Variants in HPS4 observed in about 807,000 individuals in gnomAD.
The protein encoded by HPS4 is BLOC-3 complex member HPS4.
Under a neutral mutation model 70.3 loss-of-function variants are expected in HPS4, and 44 were observed. That is an observed-to-expected ratio of 0.63 (90% confidence interval 0.49 to 0.80). HPS4 has a LOEUF of 0.80. HPS4 is among the 30% of genes least tolerant of loss of function. The pLI, the probability that HPS4 is intolerant of heterozygous loss-of-function variation, is 0.00. For missense variants in HPS4, 873 were observed against 884.4 expected (o/e 0.99, Z 0.16); for synonymous variants, 377 against 355.9 (o/e 1.06, Z -0.67).
intron 12 of HPS4, 24 bp from the exon 13 acceptor site, chr22:26,457,991 G>A (rs377423056): frequency 2.0e-5 from 32 of 1,572,210 alleles, no homozygotes; most frequent in Non-Finnish European, 2.6e-5. Context: ...ACACAGAGTT[G>A]TGAAGAGCAG....
chr22:26,481,154 A>G (rs1303421581), intron 2 of HPS4, among the ~76,000 whole-genome samples: 1 of 151,250 alleles, frequency 6.6e-6, no homozygotes, highest in Non-Finnish European at 1.5e-5. Context: ...CTTGGGTGTC[A>G]TTTTGAACTG....
At position 26,458,484 on chromosome 22, in the gene HPS4, T is replaced by A. The variant is rs1246855032; in HGVS notation, c.1807A>T (p.Asn603Tyr). The A allele has an allele frequency of 6.2e-7, 1 of 1,614,096 alleles. No individual in the cohort carries two copies. Among genetic ancestry groups the A allele is most frequent in the South Asian group, 1.1e-5 (1 of 91,074 alleles). Residue 603 changes from asparagine (N) to tyrosine (Y), a missense_variant, in exon 12 of 14, where the codon AAC becomes TAC. Transcript: ENST00000398145. ...TGAATGCGGTCGTAATGTGTGAAGT[T>A]GTAGGTGCTGCTCGTGGAGGCTGCC... ...DEAASTSSTY[N>Y]FTHYDRIQSL...
At chr22:26,459,745 G>T (rs1272787735) in intron 11 of HPS4, among the ~76,000 whole-genome samples, 1 of 152,214 alleles carries the variant, frequency 6.6e-6, no homozygotes, top group Non-Finnish European at 1.5e-5. Context: ...TGCAAAATGG[G>T]AACAGTACGG....
chr22:26,455,232 G>A (rs1368275604), intron 13 of HPS4, among the ~76,000 whole-genome samples: 2 of 152,092 alleles, frequency 1.3e-5, no homozygotes, highest in Admixed American at 6.6e-5. Flanking sequence ...CCATTACTGG[G>A]TATATACCCA....
rs113467618 is a variant in HPS4 at position 26,472,577 on chromosome 22, C to T, written c.385-159G>A. 0.014 allele frequency among the ~76,000 whole-genome samples: 2,190 copies of T among 152,290 alleles called. 53 individuals are homozygous for T. The highest frequency in any genetic ancestry group is 0.05 in the African/African-American group (2,062 of 41,546). Reference sequence around the variant, plus strand: ...CCCATCACAGATCCACGGCGCCTGCCGCGTGGGGGTGGCAAGCAGGGCCTG... The same window carrying T: ...CCCATCACAGATCCACGGCGCCTGCTGCGTGGGGGTGGCAAGCAGGGCCTG... On this transcript the variant is annotated intron_variant, in intron 5 of 13. Coordinates refer to ENST00000398145, the MANE Select transcript of HPS4 (RefSeq NM_022081.6).
intron 4 of HPS4, chr22:26,476,792 G>T: frequency 1.7e-6 from 1 of 600,342 alleles, no homozygotes; most frequent in Non-Finnish European, 3.0e-6. Context: ...GTGCAATGCA[G>T]AATATGTTAG....
chr22:26,476,589 ATTCT>A (rs1216297902), intron 4 of HPS4: 3 of 199,504 alleles, frequency 1.5e-5, no homozygotes, highest in African/African-American at 7.2e-5. Flanking sequence ...CTCAAGCAAT[ATTCT>A]TTTTTTTTTT....
intron 9 of HPS4, 98 bp downstream of exon 9, chr22:26,466,128 C>T: frequency 6.2e-7 from 1 of 1,612,380 alleles, no homozygotes; most frequent in Non-Finnish European, 8.5e-7. Flanking sequence ...AGGAAATAAA[C>T]ATGCAGATGG....
In HPS4 at chr22:26,470,782, C is replaced by A. The variant is rs377042228; in HGVS notation, c.533G>T (p.Arg178Leu). The A allele has an allele frequency of 6.2e-7, 1 of 1,614,168 alleles. No individual in the cohort carries two copies. Among genetic ancestry groups the A allele is most frequent in the African/African-American group, 1.3e-5 (1 of 75,050 alleles). ...VEPLLLLKAA[R>L]ILQTCQRSPH... ...CGAGCGCTGGCAGGTCTGCAGAATG[C>A]GGGCTGCCTTCAGCAACAACAGGGG... Residue 178 changes from arginine (R) to leucine (L), a missense_variant, in exon 7 of 14, where the codon CGC (arginine) becomes CTC (leucine). Transcript: ENST00000398145.
At chr22:26,477,685 G>A (rs1029609610) in intron 3 of HPS4, among the ~76,000 whole-genome samples, 1 of 152,104 alleles carries the variant, frequency 6.6e-6, no homozygotes, top group Admixed American at 6.5e-5. Flanking sequence ...CACCCATGAA[G>A]AATTCTTACC....
At position 26,477,021 on chromosome 22, in the gene HPS4, G is replaced by A; in HGVS notation, c.248C>T (p.Ala83Val). The change falls in exon 4 of 14, where the codon GCC becomes GTC. Residue 83 changes from alanine to valine, a missense_variant. By Grantham distance (64) the Ala-to-Val change is moderately conservative (BLOSUM62 0). Coordinates refer to ENST00000398145, the MANE Select transcript of HPS4 (RefSeq NM_022081.6). ...AAGGTAATCTCCATCAACTTTTATG[G>A]CAAACTTCAGTTTTCTCAGACGAAC... is the stretch of plus-strand genomic sequence containing the variant. ...TLVRLRKLKF[A>V]IKVDGDYLWV... 1 of 1,614,106 alleles carries A rather than the reference G, an allele frequency of 6.2e-7. No homozygotes were observed. The highest frequency in any genetic ancestry group is 2.2e-5 in the East Asian group (1 of 44,886).
chr22:26,474,498 G>C (rs1054559941), intron 4 of HPS4, among the ~76,000 whole-genome samples: 5 of 152,010 alleles, frequency 3.3e-5, no homozygotes, highest in African/African-American at 1.2e-4. Flanking sequence ...AAATAAAAAA[G>C]GGAGACTATC....
At position 26,464,338 on chromosome 22, in the gene HPS4, G is replaced by A. The variant is rs372499859; in HGVS notation, c.1292C>T (p.Pro431Leu). The change falls in exon 11 of 14, where the codon CCT (proline) becomes CTT (leucine). Residue 431 changes from proline to leucine, a missense_variant. Transcript: ENST00000398145. ...GGCTCCATGCTGGGTCAGCATCTCAGGAGCAGAGGGAGGGCGCAAGCTGCT... is the reference window on the plus strand; with the variant it reads ...GGCTCCATGCTGGGTCAGCATCTCAAGAGCAGAGGGAGGGCGCAAGCTGCT... Reference protein sequence around the residue: ...AISSLRPPSAPEMLTQHGAQE... With the variant: ...AISSLRPPSALEMLTQHGAQE... The A allele has an allele frequency of 3.5e-5, 57 of 1,614,036 alleles. No homozygotes were observed. Among genetic ancestry groups the A allele is most frequent in the African/African-American group, 2.5e-4 (19 of 74,936 alleles).
chr22:26,473,489 C>G (rs1374645345), intron 4 of HPS4, among the ~76,000 whole-genome samples: 1 of 152,124 alleles, frequency 6.6e-6, no homozygotes, highest in Non-Finnish European at 1.5e-5. Context: ...AATACTTGGC[C>G]GGGCACGGTG....
chr22:26,479,824 C>T (rs545491981), intron 2 of HPS4: 1 of 362,950 alleles, frequency 2.8e-6, no homozygotes. Context: ...TTACTGAGGG[C>T]CCACAGTGTG....
chr22:26,465,048 G>A (rs577544907), intron 10 of HPS4, among the ~76,000 whole-genome samples: 1 of 152,354 alleles, frequency 6.6e-6, no homozygotes, highest in Non-Finnish European at 1.5e-5. Flanking sequence ...GAAAATGGCA[G>A]AGCCCACTGA....
downstream of HPS4, among the ~76,000 whole-genome samples, chr22:26,450,746 CT>C (rs2085123862): frequency 1.3e-5 from 2 of 152,184 alleles, no homozygotes; most frequent in Admixed American, 1.3e-4. Flanking sequence ...GTATAAGGGG[CT>C]TTTCCCCCCT....
intron 8 of HPS4, 178 bp downstream of exon 8, chr22:26,468,373 T>C: frequency 1.5e-6 from 1 of 652,632 alleles, no homozygotes; most frequent in Non-Finnish European, 2.8e-6. Context: ...AAACATTTTC[T>C]TTCAGCCTCA....
At chr22:26,449,839 C>G (rs765936180), downstream of HPS4, among the ~76,000 whole-genome samples, 1 of 152,212 alleles carries the variant, frequency 6.6e-6, no homozygotes, top group Non-Finnish European at 1.5e-5. Flanking sequence ...AGGCTTACAA[C>G]ACAAACCCAT....
Sources: allele counts gnomAD v4.1 joint callset (sites outside exome capture counted in the v4.1 genomes callset), GRCh38; gene constraint gnomAD v4.1.1; transcripts MANE v1.5; gene names NCBI Gene and HGNC (gene_info 2026-07-23, HGNC 2026-07-21).